ADCY3: variants seen among roughly 807,000 people sequenced by gnomAD.
ADCY3 encodes adenylate cyclase 3.
In ADCY3, 70 loss-of-function variants were observed where a neutral mutation model predicts 119.4. The ratio of observed to expected loss-of-function variants is 0.59; its 90% CI spans 0.48 to 0.72. The LOEUF (loss-of-function observed/expected upper bound fraction) is 0.72, where lower values mean the gene tolerates loss of function less well. Among genes scored for constraint, ADCY3 ranks in the 30% least tolerant of loss-of-function variants. The pLI is 0.00. For synonymous variants in ADCY3, 672 were observed against 621.4 expected, an observed-to-expected ratio of 1.08 and a Z score of -1.21; for missense variants, 1,238 against 1,541.6, an observed-to-expected ratio of 0.80 and a Z score of 3.30.
At chr2:24,820,458 C>T (rs1667439135) in intron 21 of ADCY3, 2 of 1,329,412 alleles carry the variant, frequency 1.5e-6, no homozygotes, top group African/African-American at 1.5e-5. Flanking sequence ...GCCACTGAGA[C>T]AGATCACAAG....
At chr2:24,828,496 CCAA>C in intron 13 of ADCY3, among the ~76,000 whole-genome samples, 1 of 152,294 alleles carries the variant, frequency 6.6e-6, no homozygotes, top group South Asian at 2.1e-4. Flanking sequence ...GGCTTCAAAT[CCAA>C]CATGTTCTTC....
intron 2 of ADCY3, among the ~76,000 whole-genome samples, chr2:24,873,948 A>G (rs1424503416): frequency 6.6e-6 from 1 of 152,254 alleles, no homozygotes; most frequent in Non-Finnish European, 1.5e-5. Context: ...GATTGGCCTC[A>G]GAGTAGACTG....
intron 11 of ADCY3, among the ~76,000 whole-genome samples, 179 bp from the exon 12 acceptor site, chr2:24,831,928 A>ACAGGGGC (rs1315894855): frequency 9.0e-5 from 3 of 33,440 alleles, no homozygotes; most frequent in East Asian, 4.6e-3. Context: ...GGGACAGCGG[A>ACAGGGGC]CAGTGGCCAG....
intron 2 of ADCY3, among the ~76,000 whole-genome samples, chr2:24,912,604 CATGTGTGTGTGTGT>C: frequency 5.2e-5 from 2 of 38,738 alleles, no homozygotes; most frequent in African/African-American, 9.5e-4. Flanking sequence ...TGTGTGTGTG[CATGTGTGTGTGTGT>C]GTGTGTGCCT....
At position 24,819,998 on chromosome 2, in the gene ADCY3, A is replaced by C; in HGVS notation, c.3369T>G (p.Asp1123Glu). 6.2e-7 allele frequency: 1 copy of C among 1,613,004 alleles called. No individual in the cohort carries two copies. The highest frequency in any genetic ancestry group is 8.5e-7 in the Non-Finnish European group (1 of 1,179,500). The change falls in exon 22 of 22, where the codon GAT becomes GAG. Residue 1123 changes from aspartate to glutamate, a missense_variant. Transcript: ENST00000679454. ...ELLTFFLKGR[D>E]KLATFPNGPS... ...GGCCATTGGGGAAGGTGGCTAGCTT[A>C]TCCCGCCCCTTCAAGAAGAAGGTCA...
At chr2:24,827,740 CAG>C (rs1572802040) in intron 14 of ADCY3, 132 bp from the exon 15 acceptor site, 3 of 1,415,162 alleles carry the variant, frequency 2.1e-6, no homozygotes, top group Non-Finnish European at 2.9e-6. Context: ...CCTAGCCAAA[CAG>C]TGATACGTCT....
At chr2:24,859,325 C>T (rs1673368053) in intron 3 of ADCY3, among the ~76,000 whole-genome samples, 1 of 152,172 alleles carries the variant, frequency 6.6e-6, no homozygotes, top group Non-Finnish European at 1.5e-5. Context: ...CCCTCCCACT[C>T]GACACCAGCT....
At chr2:24,880,339 C>T (rs543422145) in intron 2 of ADCY3, among the ~76,000 whole-genome samples, 1 of 152,278 alleles carries the variant, frequency 6.6e-6, no homozygotes, top group South Asian at 2.1e-4. Flanking sequence ...TCCCCAGACA[C>T]GGAACATGGC....
At chr2:24,821,966 CTAGG>C (rs1211845674) in intron 19 of ADCY3, 1 of 296,314 alleles carries the variant, frequency 3.4e-6, no homozygotes, top group Non-Finnish European at 6.4e-6. Context: ...GATCCCTCAA[CTAGG>C]TGATAAGCAC....
At chr2:24,843,964 T>G (rs1671364350) in intron 3 of ADCY3, among the ~76,000 whole-genome samples, 1 of 151,386 alleles carries the variant, frequency 6.6e-6, no homozygotes, top group African/African-American at 2.4e-5. Flanking sequence ...TGAAGGATGG[T>G]GGGGGGCACT....
At chr2:24,873,988 A>G (rs1265259229) in intron 2 of ADCY3, among the ~76,000 whole-genome samples, 1 of 152,198 alleles carries the variant, frequency 6.6e-6, no homozygotes, top group East Asian at 1.9e-4. Context: ...AAGGCAGGGA[A>G]GTCAATTTTT....
chr2:24,865,003 ATATT>A (rs1043699957), intron 3 of ADCY3, among the ~76,000 whole-genome samples: 11 of 152,244 alleles, frequency 7.2e-5, no homozygotes, highest in Non-Finnish European at 1.6e-4. Flanking sequence ...CGCTACAAGG[ATATT>A]TATTACAGCA....
At chr2:24,849,257 G>A (rs758725654) in intron 3 of ADCY3, among the ~76,000 whole-genome samples, 4 of 152,128 alleles carry the variant, frequency 2.6e-5, no homozygotes, top group Non-Finnish European at 5.9e-5. Context: ...CAGTCCTGTG[G>A]GAGCTCCATG....
At chr2:24,833,320 C>T (rs1669853405) in intron 11 of ADCY3, among the ~76,000 whole-genome samples, 1 of 152,208 alleles carries the variant, frequency 6.6e-6, no homozygotes. Context: ...GCGATGCCTC[C>T]TCACTGTGCC....
At chr2:24,864,265 G>C (rs1572925910) in intron 3 of ADCY3, among the ~76,000 whole-genome samples, 1 of 152,148 alleles carries the variant, frequency 6.6e-6, no homozygotes, top group South Asian at 2.1e-4. Context: ...TTCCAACCTG[G>C]GCGACAGAGC....
At chr2:24,850,358 G>C (rs1672150206) in intron 3 of ADCY3, among the ~76,000 whole-genome samples, 1 of 152,172 alleles carries the variant, frequency 6.6e-6, no homozygotes, top group African/African-American at 2.4e-5. Context: ...CCATTCCAGA[G>C]CCCTGGCTAA....
intron 16 of ADCY3, 71 bp from the exon 17 acceptor site, chr2:24,824,607 G>A (rs1668327154): frequency 6.5e-7 from 1 of 1,544,630 alleles, no homozygotes; most frequent in African/African-American, 1.4e-5. Context: ...AAACAGGAAT[G>A]GCCAGGCGTG....
chr2:24,848,567 T>G (rs1220883504), intron 3 of ADCY3, among the ~76,000 whole-genome samples: 2 of 152,190 alleles, frequency 1.3e-5, no homozygotes, highest in African/African-American at 4.8e-5. Flanking sequence ...CGAGCTGGTC[T>G]CGGCATAAGG....
At position 24,919,154 on chromosome 2, in the gene ADCY3, C is replaced by G; in HGVS notation, c.-167G>C. ...TCCAGCAGGAACGCAGAGCGGGTTT[C>G]CAGAGCACAGGTAGCACTGATCAGC... On this transcript the variant is annotated 5_prime_UTR_variant, in exon 2 of 22. Transcript: ENST00000679454. This position sits in a 1 kb window ranked among gnomAD's most constrained non-coding sequence, Gnocchi z 5.5. The G allele has an allele frequency of 1.5e-6, 1 of 663,066 alleles. No individual in the cohort carries two copies. 41.1% of individuals were successfully genotyped at this position (663,066 alleles called of 1,614,324 possible). A position where few individuals can be genotyped will look rare whatever the true frequency, so the allele number is the denominator to read the frequency against.
Sources: gnomAD v4.1 joint callset for allele counts (sites outside exome capture counted in the v4.1 genomes callset) on GRCh38, gnomAD v4.1.1 for gene constraint, Gnocchi (gnomAD v3.1) non-coding constraint, MANE v1.5 for transcripts, NCBI Gene and HGNC (gene_info 2026-07-23, HGNC 2026-07-21) for gene names.